DPH6: variants seen among roughly 807,000 people sequenced by gnomAD.
The protein encoded by DPH6 is diphthamine biosynthesis 6.
In DPH6, 33 loss-of-function variants were observed where a neutral mutation model predicts 38.2. The ratio of observed to expected loss-of-function variants is 0.86; its 90% CI spans 0.65 to 1.15. DPH6 has a LOEUF of 1.15. Ranked by LOEUF, DPH6 falls within the 50% of genes most tolerant of loss-of-function variation. The pLI is 0.00. For synonymous variants in DPH6, 108 were observed against 103.0 expected, an observed-to-expected ratio of 1.05 and a Z score of -0.30; for missense variants, 325 against 320.0, an observed-to-expected ratio of 1.02 and a Z score of -0.12.
At chr15:35,213,617 T>C (rs2051397529), downstream of DPH6, among the ~76,000 whole-genome samples, 1 of 152,148 alleles carries the variant, frequency 6.6e-6, no homozygotes, top group Admixed American at 6.5e-5. Context: ...CTGGGACAGG[T>C]CTTTTCCTCC....
intron 5 of DPH6, among the ~76,000 whole-genome samples, chr15:35,425,415 T>C (rs1186030133): frequency 6.6e-6 from 1 of 151,620 alleles, no homozygotes; most frequent in Non-Finnish European, 1.5e-5. Context: ...TATGTTTTAC[T>C]ACAGAGGGTT....
chr15:35,422,845 T>A (rs542524103), intron 5 of DPH6, among the ~76,000 whole-genome samples: 1 of 152,050 alleles, frequency 6.6e-6, no homozygotes, highest in East Asian at 1.9e-4. Context: ...TTATTTTACA[T>A]AGTATAAGGT....
chr15:35,215,560 AT>A (rs960418966), downstream of DPH6, among the ~76,000 whole-genome samples: 10 of 151,484 alleles, frequency 6.6e-5, no homozygotes, highest in African/African-American at 2.2e-4. Context: ...ATTAAAAAAA[AT>A]TTTTTTTTGT....
At chr15:35,245,717 C>A (rs1444517290) in intron 3 of DPH6, among the ~76,000 whole-genome samples, 1 of 152,136 alleles carries the variant, frequency 6.6e-6, no homozygotes, top group Non-Finnish European at 1.5e-5. Flanking sequence ...TCAAATCAAA[C>A]AAATCAACAC....
chr15:35,166,978 C>T, the DPH6 span, among the ~76,000 whole-genome samples: 2 of 151,978 alleles, frequency 1.3e-5, no homozygotes, highest in Admixed American at 1.3e-4. Flanking sequence ...TCATTTTCCA[C>T]TTTGTAGAAG....
At chr15:35,527,466 A>G (rs1445858718) in intron 3 of DPH6, among the ~76,000 whole-genome samples, 1 of 152,176 alleles carries the variant, frequency 6.6e-6, no homozygotes, top group Non-Finnish European at 1.5e-5. Context: ...CAAGTTACTT[A>G]TAATCTTTAA....
At chr15:35,163,841 T>G in the DPH6 span, among the ~76,000 whole-genome samples, 38 of 151,964 alleles carry the variant, frequency 2.5e-4, no homozygotes, top group Non-Finnish European at 4.0e-4. Flanking sequence ...TTTATTTTGT[T>G]CTGGCAGTAG....
At chr15:35,254,675 G>A (rs1467101698) in intron 3 of DPH6, among the ~76,000 whole-genome samples, 1 of 152,116 alleles carries the variant, frequency 6.6e-6, no homozygotes, top group Admixed American at 6.5e-5. Flanking sequence ...GGTTTCATGC[G>A]CGTCCGTGTG....
chr15:35,496,513 C>A (rs2054551189), intron 3 of DPH6, among the ~76,000 whole-genome samples: 1 of 131,936 alleles, frequency 7.6e-6, no homozygotes, highest in Non-Finnish European at 1.6e-5. Context: ...TGAAATTGGG[C>A]TATTGCACTC....
At chr15:35,444,986 T>C (rs1379403872) in intron 5 of DPH6, among the ~76,000 whole-genome samples, 2 of 152,184 alleles carry the variant, frequency 1.3e-5, no homozygotes, top group Non-Finnish European at 2.9e-5. Flanking sequence ...ATTTGTACAA[T>C]TTAGAAAAAT....
the DPH6 span, among the ~76,000 whole-genome samples, chr15:35,163,257 T>C: frequency 2.6e-5 from 4 of 151,806 alleles, no homozygotes; most frequent in South Asian, 4.2e-4. Context: ...TAACCTTCCA[T>C]AGAGCCCAAG....
At chr15:35,241,266 G>C (rs1435421892) in intron 3 of DPH6, among the ~76,000 whole-genome samples, 1 of 141,832 alleles carries the variant, frequency 7.1e-6, no homozygotes, top group African/African-American at 2.6e-5. Context: ...CGATCGCCTC[G>C]GAAGCCCCCT....
At chr15:35,471,879 G>T (rs1595393468) in intron 3 of DPH6, among the ~76,000 whole-genome samples, 1 of 152,168 alleles carries the variant, frequency 6.6e-6, no homozygotes, top group East Asian at 1.9e-4. Flanking sequence ...TCCACATAGT[G>T]TGCAGTATAA....
chr15:35,322,576 G>A (rs930540579), intron 3 of DPH6, among the ~76,000 whole-genome samples: 7 of 152,000 alleles, frequency 4.6e-5, no homozygotes, highest in Non-Finnish European at 8.8e-5. Context: ...TGTCTTTTCT[G>A]TATCACTACA....
chr15:35,473,701 CAT>C (rs1484605422), intron 3 of DPH6, among the ~76,000 whole-genome samples: 1 of 152,084 alleles, frequency 6.6e-6, no homozygotes, highest in Non-Finnish European at 1.5e-5. Flanking sequence ...TATTCACACA[CAT>C]GAAACAAAAT....
At chr15:35,335,935 T>C (rs1325153903) in intron 3 of DPH6, among the ~76,000 whole-genome samples, 3 of 152,264 alleles carry the variant, frequency 2.0e-5, no homozygotes, top group Middle Eastern at 3.4e-3. Flanking sequence ...TCAATGGTAG[T>C]TTAATGGGAA....
intron 3 of DPH6, chr15:35,520,899 A>C (rs2054914239): frequency 6.1e-6 from 6 of 985,086 alleles, no homozygotes; most frequent in Non-Finnish European, 7.2e-6. Flanking sequence ...ACAGTATACA[A>C]CTCATTTTGT....
chr15:35,436,453 G>A (rs1227908564), intron 5 of DPH6, among the ~76,000 whole-genome samples: 1 of 113,176 alleles, frequency 8.8e-6, no homozygotes, highest in Non-Finnish European at 1.8e-5. Context: ...GAGACAGAGT[G>A]AGACTCCGTC....
the DPH6 span, among the ~76,000 whole-genome samples, chr15:35,192,067 C>T: frequency 1.1e-4 from 17 of 152,252 alleles, no homozygotes; most frequent in East Asian, 1.9e-3. Flanking sequence ...TTCAGTAACA[C>T]GATGGTTGTG....
Sources: allele counts gnomAD v4.1 joint callset (sites outside exome capture counted in the v4.1 genomes callset), GRCh38; gene constraint gnomAD v4.1.1; transcripts MANE v1.5; gene names NCBI Gene and HGNC (gene_info 2026-07-23, HGNC 2026-07-21).